Variants in KIT observed in about 807,000 individuals in gnomAD.
KIT encodes mast/stem cell growth factor receptor Kit.
A neutral mutation model predicts 105.7 loss-of-function variants in KIT; 16 were observed. The ratio of observed to expected loss-of-function variants is 0.15; its 90% CI spans 0.10 to 0.23. The LOEUF (loss-of-function observed/expected upper bound fraction) is 0.23, where lower values mean the gene tolerates loss of function less well. KIT is among the 10% of genes least tolerant of loss of function. The probability of loss-of-function intolerance (pLI) is 1.00; values close to 1 mark genes in which losing one functional copy is unlikely to be tolerated. For synonymous variants in KIT, 438 were observed against 441.1 expected, an observed-to-expected ratio of 0.99 and a Z score of 0.09; for missense variants, 858 against 1,213.8, an observed-to-expected ratio of 0.71 and a Z score of 4.36.
intron 1 of KIT, among the ~76,000 whole-genome samples, chr4:54,670,960 C>G (rs909123066): frequency 1.3e-5 from 2 of 152,150 alleles, no homozygotes; most frequent in Non-Finnish European, 2.9e-5. Context: ...AAAAATATGA[C>G]AGACTTCAGT....
intron 1 of KIT, among the ~76,000 whole-genome samples, chr4:54,676,802 G>T (rs1718508814): frequency 6.6e-6 from 1 of 152,078 alleles, no homozygotes; most frequent in Admixed American, 6.5e-5. Flanking sequence ...CACCCCCAAA[G>T]GTGTCCAGCT....
chr4:54,661,534 G>T (rs1216973826), intron 1 of KIT, among the ~76,000 whole-genome samples: 1 of 152,246 alleles, frequency 6.6e-6, no homozygotes, highest in African/African-American at 2.4e-5. Context: ...CAAGGTAGTG[G>T]TCAAGGCTGT....
At chr4:54,714,407 T>C (rs1325005014) in intron 7 of KIT, among the ~76,000 whole-genome samples, 3 of 152,138 alleles carry the variant, frequency 2.0e-5, no homozygotes, top group African/African-American at 7.2e-5. Flanking sequence ...AGGCCAAATA[T>C]GCACTTTAAT....
At chr4:54,729,022 G>A (rs530070384) in intron 13 of KIT, among the ~76,000 whole-genome samples, 3 of 152,074 alleles carry the variant, frequency 2.0e-5, no homozygotes, top group Non-Finnish European at 4.4e-5. Context: ...GAGGATTCAC[G>A]TAGGAAGCTT....
intron 1 of KIT, among the ~76,000 whole-genome samples, chr4:54,673,535 A>T (rs1718262168): frequency 6.6e-6 from 1 of 152,208 alleles, no homozygotes; most frequent in Non-Finnish European, 1.5e-5. Context: ...TCTGAGTTTT[A>T]AAAATTCTGA....
At chr4:54,661,473 C>T (rs571615641) in intron 1 of KIT, among the ~76,000 whole-genome samples, 2 of 152,294 alleles carry the variant, frequency 1.3e-5, no homozygotes, top group African/African-American at 2.4e-5. Flanking sequence ...AAATGAACCT[C>T]GGTGTCTCTA....
chr4:54,724,849 G>A (rs1264039624), intron 8 of KIT, among the ~76,000 whole-genome samples: 1 of 152,064 alleles, frequency 6.6e-6, no homozygotes, highest in Non-Finnish European at 1.5e-5. Context: ...GGCCACATGT[G>A]GGCTGCAGGT....
At chr4:54,699,067 C>T (rs1049018806) in intron 3 of KIT, among the ~76,000 whole-genome samples, 1 of 152,164 alleles carries the variant, frequency 6.6e-6, no homozygotes, top group Non-Finnish European at 1.5e-5. Flanking sequence ...TAGAATATTT[C>T]GTTAGCTGGA....
At position 54,663,218 on chromosome 4, in the gene KIT, C is replaced by T. The variant is rs147052180; in HGVS notation, c.67+5137C>T. Among the ~76,000 whole-genome samples, 21 of 152,304 alleles carry T rather than the reference C, an allele frequency of 1.4e-4. No individual in the cohort carries two copies. In the East Asian group the frequency reaches 3.3e-3, roughly 24 times the overall value. ...CAGGACATGTGGCATCAGTTAATTA[C>T]GAGCTTGGGCTCTGAAATTGACACG... On this transcript the variant is annotated intron_variant, in intron 1 of 20. Transcript: ENST00000288135.
chr4:54,728,669 G>T (rs944037218), intron 13 of KIT, among the ~76,000 whole-genome samples: 3 of 152,166 alleles, frequency 2.0e-5, no homozygotes, highest in African/African-American at 7.2e-5. Flanking sequence ...TGTTTCTGGA[G>T]ATCCACGATA....
Position 54,662,074 on chromosome 4 carries a change from G to A in KIT, c.67+3993G>A, listed in dbSNP as rs60603469. Among the ~76,000 whole-genome samples, 1,127 of 152,192 alleles carry A rather than the reference G, an allele frequency of 7.4e-3. 18 individuals are homozygous for A. Among genetic ancestry groups the A allele is most frequent in the African/African-American group, 0.026 (1,072 of 41,510 alleles). On this transcript the variant is annotated intron_variant, in intron 1 of 20. Transcript: ENST00000288135. ...TTTTTAAATCAAGATCTCTATTTCT[G>A]TCTCCTCTTTAAGAATTGAAGGTCA... is the stretch of plus-strand genomic sequence containing the variant.
intron 7 of KIT, among the ~76,000 whole-genome samples, chr4:54,718,961 T>C (rs992107462): frequency 1.3e-5 from 2 of 152,198 alleles, no homozygotes; most frequent in Non-Finnish European, 2.9e-5. Context: ...TTTATTATAA[T>C]GGTATTATGG....
intron 7 of KIT, 75 bp from the exon 8 acceptor site, chr4:54,723,508 AT>A: frequency 2.2e-6 from 2 of 928,030 alleles, no homozygotes; most frequent in Non-Finnish European, 3.5e-6. Context: ...GGTTGTAGGG[AT>A]TAGAGAGGGA....
chr4:54,698,255 A>G (rs778743966), intron 2 of KIT, 29 bp from the exon 3 acceptor site: 7 of 1,606,920 alleles, frequency 4.4e-6, no homozygotes, highest in Non-Finnish European at 1.7e-6. Flanking sequence ...CAGCCATTCC[A>G]ACTACTGATT....
intron 1 of KIT, among the ~76,000 whole-genome samples, chr4:54,670,744 T>C (rs1347477444): frequency 6.6e-6 from 1 of 152,116 alleles, no homozygotes; most frequent in Non-Finnish European, 1.5e-5. Context: ...ACCTAGCAAG[T>C]TCACTCTCCC....
At chr4:54,663,106 A>T in intron 1 of KIT, among the ~76,000 whole-genome samples, 1 of 152,044 alleles carries the variant, frequency 6.6e-6, no homozygotes, top group Admixed American at 6.6e-5. Context: ...GTTATGACAC[A>T]CTTTTGTTAG....
At chr4:54,693,609 G>A (rs1719858825) in intron 1 of KIT, among the ~76,000 whole-genome samples, 1 of 152,034 alleles carries the variant, frequency 6.6e-6, no homozygotes, top group Non-Finnish European at 1.5e-5. Flanking sequence ...CCTCCCCTCA[G>A]AATATGCCCC....
At chr4:54,698,231 T>TC in intron 2 of KIT, 53 bp from the exon 3 acceptor site, 1 of 1,544,746 alleles carries the variant, frequency 6.5e-7, no homozygotes, top group Non-Finnish European at 8.9e-7. Flanking sequence ...AAAAGTGTTT[T>TC]CAGTGTCTGT....
chr4:54,698,660 A>C lies in KIT; in HGVS notation c.619+95A>C, dbSNP rs531703820. 121 of 1,373,554 alleles carry C rather than the reference A, an allele frequency of 8.8e-5. 2 individuals carry two copies. The South Asian group carries it at 1.4e-3, about 16-fold the overall frequency. The allele number at this position is 1,373,554 out of a possible 1,614,324, so 85.1% of individuals were successfully genotyped here. A position where few individuals can be genotyped will look rare whatever the true frequency, so the allele number is the denominator to read the frequency against. ...TTGATCCACCTTAGTGTAGTCAATC[A>C]GGGAGCTAGCTGTTCATAGTTCCCC... On this transcript the variant is annotated intron_variant, in intron 3 of 20. Transcript: ENST00000288135.
Sources: gnomAD v4.1 joint callset for allele counts (sites outside exome capture counted in the v4.1 genomes callset) on GRCh38, gnomAD v4.1.1 for gene constraint, MANE v1.5 for transcripts, NCBI Gene and HGNC (gene_info 2026-07-23, HGNC 2026-07-21) for gene names.